SUGCT: variants seen among roughly 807,000 people sequenced by gnomAD.
The protein encoded by SUGCT is succinyl-CoA:glutarate-CoA transferase.
A neutral mutation model predicts 55.0 loss-of-function variants in SUGCT; 41 were observed. The ratio of observed to expected loss-of-function variants is 0.74; its 90% confidence interval spans 0.58 to 0.97. The LOEUF (loss-of-function observed/expected upper bound fraction) is 0.97, where lower values mean the gene tolerates loss of function less well. Among genes scored for constraint, SUGCT ranks in the 50% least tolerant of loss-of-function variants. The pLI is 0.00. For synonymous variants in SUGCT, 187 were observed against 200.4 expected, an observed-to-expected ratio of 0.93 and a Z score of 0.56; for missense variants, 568 against 547.8, an observed-to-expected ratio of 1.04 and a Z score of -0.37.
chr7:40,840,366 A>G (rs1217525370), intron 13 of SUGCT, among the ~76,000 whole-genome samples: 1 of 152,138 alleles, frequency 6.6e-6, no homozygotes, highest in Non-Finnish European at 1.5e-5. Context: ...AAATCATAGA[A>G]TATGTTCTCA....
intron 12 of SUGCT, among the ~76,000 whole-genome samples, chr7:40,508,318 C>T (rs1390319063): frequency 2.6e-5 from 4 of 152,130 alleles, no homozygotes; most frequent in African/African-American, 9.7e-5. Flanking sequence ...GTAGAGCTTC[C>T]ACCCTATGTG....
chr7:40,661,585 CCT>C (rs1208149521), intron 12 of SUGCT, among the ~76,000 whole-genome samples: 4 of 152,044 alleles, frequency 2.6e-5, no homozygotes, highest in Admixed American at 6.6e-5. Context: ...TAAATTTTCC[CCT>C]CTCATTTCTT....
At chr7:40,649,513 ACT>A (rs1412207669) in intron 12 of SUGCT, among the ~76,000 whole-genome samples, 1 of 151,968 alleles carries the variant, frequency 6.6e-6, no homozygotes, top group Non-Finnish European at 1.5e-5. Context: ...TTCTAAATAA[ACT>A]CTGGGGTGGT....
At chr7:40,142,555 C>A (rs1409466466) in intron 1 of SUGCT, among the ~76,000 whole-genome samples, 3 of 152,216 alleles carry the variant, frequency 2.0e-5, no homozygotes, top group East Asian at 3.9e-4. Flanking sequence ...AGAGTAAGTA[C>A]ACCCATTATG....
intron 13 of SUGCT, among the ~76,000 whole-genome samples, chr7:40,858,665 A>G (rs1019285478): frequency 9.2e-5 from 14 of 152,190 alleles, no homozygotes; most frequent in Non-Finnish European, 1.8e-4. Context: ...CATTATTGTC[A>G]TTCTTGGGAG....
intron 9 of SUGCT, among the ~76,000 whole-genome samples, chr7:40,360,479 G>A (rs1309749365): frequency 6.6e-6 from 1 of 152,074 alleles, no homozygotes; most frequent in Non-Finnish European, 1.5e-5. Flanking sequence ...CCAAGCGCTG[G>A]GTCTACAGTG....
At chr7:40,858,121 G>A (rs1278501903) in intron 13 of SUGCT, among the ~76,000 whole-genome samples, 1 of 152,134 alleles carries the variant, frequency 6.6e-6, no homozygotes, top group Admixed American at 6.5e-5. Flanking sequence ...ACCGTTGTGA[G>A]AACTGTATGC....
intron 1 of SUGCT, among the ~76,000 whole-genome samples, chr7:40,167,599 G>T (rs1334441487): frequency 6.6e-6 from 1 of 152,190 alleles, no homozygotes; most frequent in Non-Finnish European, 1.5e-5. Context: ...CATGCAGTGA[G>T]TGTTATACCT....
chr7:40,266,085 C>T (rs1489146107), intron 7 of SUGCT, among the ~76,000 whole-genome samples: 1 of 151,672 alleles, frequency 6.6e-6, no homozygotes, highest in Non-Finnish European at 1.5e-5. Flanking sequence ...TCTGTCATTT[C>T]AAAATTATCA....
chr7:40,202,329 C>T (rs1354158170), intron 6 of SUGCT, among the ~76,000 whole-genome samples: 1 of 152,314 alleles, frequency 6.6e-6, no homozygotes, highest in Non-Finnish European at 1.5e-5. Context: ...AAACCTCAGA[C>T]TCTTGTCCAG....
chr7:40,231,585 G>A lies in SUGCT; in HGVS notation c.485-6050G>A, dbSNP rs186671868. Among the ~76,000 whole-genome samples the A allele has an allele frequency of 8.4e-3, 1,272 of 152,196 alleles. 7 individuals are homozygous for A. The highest frequency in any genetic ancestry group is 0.016 in the African/African-American group (667 of 41,522). On this transcript the variant is annotated intron_variant, in intron 6 of 13. Transcript: ENST00000335693. ...GAAATACATCCTAGGTTGTGCAAAG[G>A]CCCCACCTTGGGAATAAGCTGTGGA...
chr7:40,135,378 C>T (rs1365133391), intron 1 of SUGCT, among the ~76,000 whole-genome samples: 1 of 152,236 alleles, frequency 6.6e-6, no homozygotes, highest in Non-Finnish European at 1.5e-5. Flanking sequence ...GCGCGTCCCG[C>T]GGCTCGCGTT....
At chr7:40,695,227 G>T (rs1396725463) in intron 12 of SUGCT, among the ~76,000 whole-genome samples, 1 of 140,524 alleles carries the variant, frequency 7.1e-6, no homozygotes, top group East Asian at 2.1e-4. Context: ...TTTGAGACAG[G>T]GTCTCTGCTG....
intron 12 of SUGCT, among the ~76,000 whole-genome samples, chr7:40,722,747 T>C (rs1786410489): frequency 6.6e-6 from 1 of 152,216 alleles, no homozygotes; most frequent in Admixed American, 6.5e-5. Context: ...CTAAGCTGAA[T>C]TACCATATTG....
intron 6 of SUGCT, among the ~76,000 whole-genome samples, chr7:40,212,332 AG>A (rs769220306): frequency 0.13 from 18,980 of 151,692 alleles, 1,832 homozygotes; most frequent in East Asian, 0.43. Context: ...AGCTGAGGCA[AG>A]AGGATTGCTT....
At position 40,157,168 on chromosome 7, in the gene SUGCT, C is replaced by T. The variant is rs562718249; in HGVS notation, c.100+22048C>T. Among the ~76,000 whole-genome samples, 18 of 152,170 alleles carry T rather than the reference C, an allele frequency of 1.2e-4. 1 individual carries two copies. The South Asian group carries it at 3.3e-3, about 28-fold the overall frequency. ...AGAGTGTTGGAGGCATTCCCAAGAT[C>T]GTAAACCCAGTAACGCTTATCTTAC... On this transcript the variant is annotated intron_variant, in intron 1 of 13. Coordinates refer to ENST00000335693, the MANE Select transcript of SUGCT (RefSeq NM_001193313.2).
chr7:40,480,441 T>C (rs1304943371), intron 11 of SUGCT, among the ~76,000 whole-genome samples: 1 of 152,156 alleles, frequency 6.6e-6, no homozygotes, highest in East Asian at 1.9e-4. Flanking sequence ...TATTTTGAAA[T>C]TGGGAAGTGA....
chr7:40,822,169 G>A (rs891870088), intron 13 of SUGCT, among the ~76,000 whole-genome samples: 11 of 151,734 alleles, frequency 7.2e-5, no homozygotes, highest in Non-Finnish European at 1.2e-4. Context: ...TTGCTGAGGA[G>A]TACTTTACTT....
chr7:40,483,740 A>G (rs181937563), intron 11 of SUGCT, among the ~76,000 whole-genome samples: 1 of 152,098 alleles, frequency 6.6e-6, no homozygotes, highest in East Asian at 1.9e-4. Flanking sequence ...TCAACATCTG[A>G]TGACCCTTAG....
Sources: allele counts gnomAD v4.1 joint callset (sites outside exome capture counted in the v4.1 genomes callset), GRCh38; gene constraint gnomAD v4.1.1; transcripts MANE v1.5; gene names NCBI Gene and HGNC (gene_info 2026-07-23, HGNC 2026-07-21).